Variants in CATSPERE observed in about 807,000 individuals in gnomAD.
CATSPERE encodes catsper channel auxiliary subunit epsilon.
Under a neutral mutation model 114.1 loss-of-function variants are expected in CATSPERE, and 93 were observed. The ratio of observed to expected loss-of-function variants is 0.81; its 90% CI spans 0.69 to 0.97. The LOEUF (loss-of-function observed/expected upper bound fraction) is 0.97. CATSPERE is among the 50% of genes least tolerant of loss of function. The pLI is 0.00. For synonymous variants in CATSPERE, 341 were observed against 384.1 expected, an observed-to-expected ratio of 0.89 and a Z score of 1.31; for missense variants, 1,058 against 1,131.6, an observed-to-expected ratio of 0.93 and a Z score of 0.93.
intron 8 of CATSPERE, among the ~76,000 whole-genome samples, chr1:244,527,494 T>C (rs1479881200): frequency 6.6e-6 from 1 of 152,172 alleles, no homozygotes; most frequent in Non-Finnish European, 1.5e-5. Flanking sequence ...GGTGCCCAGA[T>C]TTCATATTGT....
At chr1:244,569,252 T>C (rs10927266) in intron 10 of CATSPERE, among the ~76,000 whole-genome samples, 30,020 of 152,174 alleles carry the variant, frequency 0.2, 4,441 homozygotes, top group East Asian at 0.41. Context: ...TCAGCTCGTC[T>C]TCCGTGGGCT....
Position 244,464,024 on chromosome 1 carries a change from G to A in CATSPERE, c.114+68G>A. ...TTTTTGAACTTTAGAGCAGAGAGCA[G>A]AGTTAATCATATTGAGTTTTACAGT... On this transcript the variant is annotated intron_variant, in intron 2 of 21. Coordinates refer to ENST00000366534, the MANE Select transcript of CATSPERE (RefSeq NM_001130957.2). 6 of 1,131,002 alleles carry A rather than the reference G, an allele frequency of 5.3e-6. No individual in the cohort carries two copies. In the Admixed American group the frequency reaches 1.1e-4, roughly 20 times the overall value. The allele number at this position is 1,131,002 out of a possible 1,614,324, so 70.1% of individuals were successfully genotyped here.
At chr1:244,547,151 T>G (rs1469909595) in intron 8 of CATSPERE, among the ~76,000 whole-genome samples, 1 of 152,124 alleles carries the variant, frequency 6.6e-6, no homozygotes, top group Non-Finnish European at 1.5e-5. Context: ...GCAGAAGTCT[T>G]ACAGGCAAGA....
chr1:244,464,065 G>C (rs1033551002), intron 2 of CATSPERE, 109 bp downstream of exon 2: 6 of 813,418 alleles, frequency 7.4e-6, no homozygotes, highest in African/African-American at 5.2e-5. Flanking sequence ...TCACTCTTCT[G>C]TTTCGTTTCT....
At chr1:244,576,867 C>G (rs922556123) in intron 11 of CATSPERE, among the ~76,000 whole-genome samples, 2 of 151,978 alleles carry the variant, frequency 1.3e-5, no homozygotes, top group Non-Finnish European at 2.9e-5. Flanking sequence ...AAAGTGAAAC[C>G]AATATATGTG....
intron 10 of CATSPERE, 141 bp from the exon 11 acceptor site, chr1:244,572,189 A>C (rs1024224174): frequency 1.6e-6 from 1 of 618,906 alleles, no homozygotes; most frequent in Admixed American, 3.1e-5. Context: ...TTATGGGTTC[A>C]TATCTGCACA....
chr1:244,477,848 A>C (rs374717406), intron 3 of CATSPERE, 58 bp from the exon 4 acceptor site: 12 of 1,333,896 alleles, frequency 9.0e-6, no homozygotes, highest in Non-Finnish European at 1.3e-5. Context: ...ATAGTAAGGG[A>C]ATTTTATTAA....
intron 4 of CATSPERE, among the ~76,000 whole-genome samples, chr1:244,479,430 G>A (rs994280365): frequency 1.3e-5 from 2 of 152,236 alleles, no homozygotes; most frequent in African/African-American, 2.4e-5. Flanking sequence ...TGTAACAACC[G>A]AAAGCATCTT....
At chr1:244,490,571 A>T (rs1572367396) in intron 6 of CATSPERE, 100 bp downstream of exon 6, 1 of 783,528 alleles carries the variant, frequency 1.3e-6, no homozygotes, top group East Asian at 2.6e-5. Context: ...TTTCAAATGA[A>T]TTTTGCAATG....
At chr1:244,464,877 T>G (rs1354913059) in intron 2 of CATSPERE, among the ~76,000 whole-genome samples, 1 of 152,072 alleles carries the variant, frequency 6.6e-6, no homozygotes, top group African/African-American at 2.4e-5. Flanking sequence ...CTATCTACAT[T>G]GCGTTGTAAA....
chr1:244,497,194 A>C (rs1673235772), intron 6 of CATSPERE, among the ~76,000 whole-genome samples: 1 of 152,368 alleles, frequency 6.6e-6, no homozygotes, highest in Non-Finnish European at 1.5e-5. Flanking sequence ...ACTATATCAC[A>C]AAATCCAGAA....
At chr1:244,566,935 T>C (rs1227595412) in intron 10 of CATSPERE, among the ~76,000 whole-genome samples, 1 of 152,112 alleles carries the variant, frequency 6.6e-6, no homozygotes, top group African/African-American at 2.4e-5. Flanking sequence ...AGTTGCTTCA[T>C]AGTGTCGATG....
chr1:244,491,282 C>T (rs1027518532), intron 6 of CATSPERE, among the ~76,000 whole-genome samples: 2 of 152,138 alleles, frequency 1.3e-5, no homozygotes, highest in Admixed American at 1.3e-4. Flanking sequence ...GAACTCAGGA[C>T]TAAGAAACTC....
chr1:244,576,718 C>T (rs1034621460), intron 11 of CATSPERE, among the ~76,000 whole-genome samples: 1 of 152,016 alleles, frequency 6.6e-6, no homozygotes, highest in African/African-American at 2.4e-5. Context: ...CTGTGTAACT[C>T]AAATGGCAGT....
Position 244,552,018 on chromosome 1 carries a change from C to T in CATSPERE, c.537-304C>T, listed in dbSNP as rs570730486. Among the ~76,000 whole-genome samples the T allele has an allele frequency of 2.5e-4, 35 of 140,624 alleles. No individual in the cohort carries two copies. In the South Asian group the frequency reaches 5.1e-3, roughly 20 times the overall value. 92.3% of individuals were successfully genotyped at this position (140,624 alleles called of 152,430 possible). ...GGCAGAGCTCGCAGCGAGCCCAGAT[C>T]GCACCACTGCACTCCAGCCTGGGCG... On this transcript the variant is annotated intron_variant, in intron 8 of 21. Transcript: ENST00000366534.
upstream of CATSPERE, among the ~76,000 whole-genome samples, chr1:244,451,390 C>T (rs920523057): frequency 6.6e-6 from 1 of 152,216 alleles, no homozygotes; most frequent in Non-Finnish European, 1.5e-5. This position sits in a 1 kb window ranked among gnomAD's most constrained non-coding sequence, Gnocchi z 6.6. Context: ...CTCTCAAAGG[C>T]TCCCCGCCAG....
At chr1:244,590,167 G>C (rs1204076808) in intron 14 of CATSPERE, among the ~76,000 whole-genome samples, 2 of 152,078 alleles carry the variant, frequency 1.3e-5, no homozygotes, top group Non-Finnish European at 2.9e-5. Flanking sequence ...AGCTAAAATG[G>C]TCAGATGAAT....
chr1:244,613,200 A>T (rs1243018572), intron 19 of CATSPERE, among the ~76,000 whole-genome samples: 2 of 152,244 alleles, frequency 1.3e-5, no homozygotes, highest in Non-Finnish European at 2.9e-5. Context: ...CCCATGTATT[A>T]AGTAACTTGG....
chr1:244,638,304 G>GTC (rs1459427523), intron 21 of CATSPERE, among the ~76,000 whole-genome samples: 1 of 152,180 alleles, frequency 6.6e-6, no homozygotes, highest in African/African-American at 2.4e-5. Context: ...ATATTTTCCA[G>GTC]TCCTCATCTT....
Sources: allele counts gnomAD v4.1 joint callset (sites outside exome capture counted in the v4.1 genomes callset), GRCh38; gene constraint gnomAD v4.1.1; non-coding constraint Gnocchi (gnomAD v3.1); transcripts MANE v1.5; gene names NCBI Gene and HGNC (gene_info 2026-07-23, HGNC 2026-07-21).